Variants in SEC24B observed in about 807,000 individuals in gnomAD.
SEC24B encodes protein transport protein Sec24B.
Under a neutral mutation model 142.8 loss-of-function variants are expected in SEC24B, and 45 were observed. That is an observed-to-expected ratio of 0.32 (90% CI 0.25 to 0.40). The LOEUF is 0.40. Ranked by LOEUF, SEC24B falls within the 10% of genes least tolerant of loss-of-function variation. SEC24B has a pLI of 1.00. For missense variants in SEC24B, 1,409 were observed against 1,526.8 expected, an observed-to-expected ratio of 0.92 and a Z score of 1.29; for synonymous variants, 574 against 568.2, an observed-to-expected ratio of 1.01 and a Z score of -0.15.
chr4:109,494,480 G>A (rs1318345916), intron 5 of SEC24B, 135 bp from the exon 6 acceptor site: 10 of 997,030 alleles, frequency 1.0e-5, no homozygotes, highest in Non-Finnish European at 1.3e-5. Context: ...TACTTTGTGT[G>A]TGTCCAAAAT....
intron 1 of SEC24B, among the ~76,000 whole-genome samples, chr4:109,454,137 T>A (rs1730426279): frequency 6.6e-6 from 1 of 152,062 alleles, no homozygotes; most frequent in South Asian, 2.1e-4. Flanking sequence ...AATCCTTAGC[T>A]CCTTTCACAG....
Position 109,521,113 on chromosome 4 carries a change from A to G in SEC24B, c.2246-4A>G, listed in dbSNP as rs1360285433. On this transcript the variant is annotated splice_polypyrimidine_tract_variant and splice_region_variant and intron_variant, in intron 12 of 23. Coordinates refer to ENST00000265175, the MANE Select transcript of SEC24B (RefSeq NM_006323.5). ...GTTGATTAAAATATGTGTTTTCCCT[A>G]TAGATGTTTTTCTACCTACACCGGA... is the stretch of plus-strand genomic sequence containing the variant. 1.3e-6 allele frequency: 2 copies of G among 1,485,414 alleles called. No individual in the cohort carries two copies. Among genetic ancestry groups the G allele is most frequent in the Admixed American group, 3.5e-5 (2 of 57,446 alleles). 92.0% of individuals were successfully genotyped at this position (1,485,414 alleles called of 1,614,324 possible). A position where few individuals can be genotyped will look rare whatever the true frequency, so the allele number is the denominator to read the frequency against.
Position 109,538,616 on chromosome 4 carries a change from A to G in SEC24B, c.3692+20A>G. 1 of 1,459,134 alleles carries G rather than the reference A, an allele frequency of 6.9e-7. No individual in the cohort carries two copies. Among genetic ancestry groups the G allele is most frequent in the Non-Finnish European group, 9.6e-7 (1 of 1,039,268 alleles). The allele number at this position is 1,459,134 out of a possible 1,614,324, so 90.4% of individuals were successfully genotyped here. ...AGTAAAGTAAGTACTTTTGTAACTT[A>G]ATTATGAAGTTGTCTTTCCTATGTA... is the stretch of plus-strand genomic sequence containing the variant. On this transcript the variant is annotated intron_variant, in intron 23 of 23. Coordinates refer to ENST00000265175, the MANE Select transcript of SEC24B (RefSeq NM_006323.5).
chr4:109,520,598 A>G (rs1209151776), intron 12 of SEC24B, 114 bp downstream of exon 12: 2 of 730,196 alleles, frequency 2.7e-6, no homozygotes, highest in Non-Finnish European at 2.4e-6. Flanking sequence ...GCACTTTAGT[A>G]TTTGTTCAAA....
Position 109,433,924 on chromosome 4 carries a change from A to G in SEC24B, c.55A>G (p.Lys19Glu). 1 of 1,309,990 alleles carries G rather than the reference A, an allele frequency of 7.6e-7. No homozygotes were observed. The allele number at this position is 1,309,990 out of a possible 1,614,324, so 81.1% of individuals were successfully genotyped here. A position where few individuals can be genotyped will look rare whatever the true frequency, so the allele number is the denominator to read the frequency against. Reference sequence around the variant, plus strand: ...GGCCGCCAGCGCCCGGATCCCGCCCAAGTTCGGCGGAGCGGCCGTCTCAGG... The same window carrying G: ...GGCCGCCAGCGCCCGGATCCCGCCCGAGTTCGGCGGAGCGGCCGTCTCAGG... ...HPAASARIPP[K>E]FGGAAVSGAA... The change falls in exon 1 of 24, where the codon AAG (lysine) becomes GAG (glutamate). Residue 19 changes from lysine (K) to glutamate (E), a missense_variant. Coordinates refer to ENST00000265175, the MANE Select transcript of SEC24B (RefSeq NM_006323.5).
At chr4:109,490,855 T>C (rs1036502609) in intron 4 of SEC24B, among the ~76,000 whole-genome samples, 3 of 152,146 alleles carry the variant, frequency 2.0e-5, no homozygotes, top group Non-Finnish European at 2.9e-5. Flanking sequence ...GATAGCAACC[T>C]AAGCCACAGA....
intron 6 of SEC24B, among the ~76,000 whole-genome samples, chr4:109,502,620 C>T (rs1008238192): frequency 3.9e-5 from 6 of 151,966 alleles, no homozygotes; most frequent in South Asian, 2.1e-4. Flanking sequence ...TAGAGGTTAG[C>T]GTATTTACTA....
intron 6 of SEC24B, among the ~76,000 whole-genome samples, chr4:109,497,149 A>G (rs111575727): frequency 7.9e-5 from 12 of 152,348 alleles, no homozygotes; most frequent in African/African-American, 2.9e-4. Flanking sequence ...GCACTACAGT[A>G]GTACAGTTGA....
At chr4:109,512,687 G>A (rs149167045) in intron 9 of SEC24B, among the ~76,000 whole-genome samples, 57 of 149,382 alleles carry the variant, frequency 3.8e-4, no homozygotes, top group African/African-American at 1.3e-3. Flanking sequence ...ACAGGGTCTC[G>A]CTCTGTCACC....
chr4:109,460,104 C>G (rs183586853), intron 1 of SEC24B, among the ~76,000 whole-genome samples: 1 of 152,172 alleles, frequency 6.6e-6, no homozygotes. Flanking sequence ...TTTCTGTATA[C>G]TTCTTGGAAT....
chr4:109,538,540 C>G lies in SEC24B; in HGVS notation c.3636C>G (p.Ser1212=). Reference sequence around the variant, plus strand: ...CACTTTCATCAGAAAGAGCCAGATCCTTCATAACTTGGCTTAGAGACAGCA... The same window carrying G: ...CACTTTCATCAGAAAGAGCCAGATCGTTCATAACTTGGCTTAGAGACAGCA... ...LDTLSSERAR[S]FITWLRDSRP... The change falls in exon 23 of 24, where the codon TCC becomes TCG. Residue 1212 remains serine (S), a synonymous_variant. Transcript: ENST00000265175. The G allele has an allele frequency of 6.2e-7, 1 of 1,613,414 alleles. No homozygotes were observed. The highest frequency in any genetic ancestry group is 8.5e-7 in the Non-Finnish European group (1 of 1,179,432).
At chr4:109,462,734 G>C (rs1731402322) in intron 1 of SEC24B, among the ~76,000 whole-genome samples, 167 bp from the exon 2 acceptor site, 1 of 152,114 alleles carries the variant, frequency 6.6e-6, no homozygotes, top group African/African-American at 2.4e-5. Flanking sequence ...GGATCATTGG[G>C]GGCCATGTTG....
chr4:109,495,821 G>C (rs1735483173), intron 6 of SEC24B, among the ~76,000 whole-genome samples: 1 of 152,114 alleles, frequency 6.6e-6, no homozygotes, highest in African/African-American at 2.4e-5. Context: ...GCTTGTCTGT[G>C]TCTGCAGCGC....
At chr4:109,449,002 CTCA>C (rs1245521047) in intron 1 of SEC24B, among the ~76,000 whole-genome samples, 1 of 151,562 alleles carries the variant, frequency 6.6e-6, no homozygotes, top group Non-Finnish European at 1.5e-5. Flanking sequence ...TAGACAGTTC[CTCA>C]CTTTGAGTTT....
intron 6 of SEC24B, among the ~76,000 whole-genome samples, chr4:109,502,937 C>G (rs1192370636): frequency 1.3e-5 from 2 of 151,454 alleles, no homozygotes; most frequent in Admixed American, 6.6e-5. Context: ...AAGTGTAAAC[C>G]TTTTGTGTTT....
chr4:109,507,189 T>G (rs1489518438), intron 7 of SEC24B, among the ~76,000 whole-genome samples: 2 of 152,124 alleles, frequency 1.3e-5, no homozygotes, highest in Non-Finnish European at 2.9e-5. Context: ...TGGTCCTAGT[T>G]TTTTTCTTTT....
intron 6 of SEC24B, among the ~76,000 whole-genome samples, chr4:109,501,790 A>G (rs1197497369): frequency 6.6e-6 from 1 of 152,152 alleles, no homozygotes; most frequent in African/African-American, 2.4e-5. Flanking sequence ...ATTCTTTAAG[A>G]CTTTAGAATT....
At chr4:109,516,448 A>G (rs1177668688) in intron 10 of SEC24B, 80 bp from the exon 11 acceptor site, 1 of 770,642 alleles carries the variant, frequency 1.3e-6, no homozygotes, top group Non-Finnish European at 2.1e-6. Flanking sequence ...ATATTCAGTA[A>G]ATATCCAGTA....
Position 109,506,424 on chromosome 4 carries a change from C to CT in SEC24B, c.1585_1586insT (p.Gln529LeufsTer17). ...AAGCCTGAGACCTGTAAACCTTACT[C>CT]AGGAGAGGAATATTTTACCTATGAC... On this transcript the variant is annotated frameshift_variant, in exon 7 of 24. Transcript: ENST00000265175. LOFTEE classifies it high-confidence loss of function. 1 of 1,610,420 alleles carries CT rather than the reference C, an allele frequency of 6.2e-7. No homozygotes were observed. The highest frequency in any genetic ancestry group is 8.5e-7 in the Non-Finnish European group (1 of 1,177,986).
Sources: gnomAD v4.1 joint callset for allele counts (sites outside exome capture counted in the v4.1 genomes callset) on GRCh38, gnomAD v4.1.1 for gene constraint, MANE v1.5 for transcripts, NCBI Gene and HGNC (gene_info 2026-07-23, HGNC 2026-07-21) for gene names.